PRDX6: variants seen among roughly 807,000 people sequenced by gnomAD.
PRDX6 encodes the protein peroxiredoxin-6.
Under a neutral mutation model 20.0 loss-of-function variants are expected in PRDX6, and 13 were observed. The observed-to-expected ratio is 0.65, with a 90% confidence interval of 0.42 to 1.03. PRDX6 has a LOEUF of 1.03. Ranked by LOEUF, PRDX6 falls within the 50% of genes least tolerant of loss-of-function variation. PRDX6 has a pLI of 0.00. For synonymous variants in PRDX6, 85 were observed against 100.8 expected, an observed-to-expected ratio of 0.84 and a Z score of 0.94; for missense variants, 203 against 276.9, an observed-to-expected ratio of 0.73 and a Z score of 1.89.
In PRDX6 at chr1:173,481,373, C is replaced by A; in HGVS notation, c.143C>A (p.Thr48Asn). ...SHPRDFTPVC[T>N]TELGRAAKLA... ...CCTCGGGACTTTACCCCAGTGTGCA[C>A]CACAGAGCTTGGCAGAGCTGCAAAG... Residue 48 changes from threonine to asparagine, a missense_variant, in exon 2 of 5, where the codon ACC becomes AAC. Physicochemically the swap from Thr to Asn is moderately conservative, Grantham distance 65 (BLOSUM62 0). Transcript: ENST00000340385. The A allele has an allele frequency of 6.2e-7, 1 of 1,613,812 alleles. No homozygotes were observed. Among genetic ancestry groups the A allele is most frequent in the Non-Finnish European group, 8.5e-7 (1 of 1,179,726 alleles).
At chr1:173,484,152 T>TTTATATA (rs1557997404) in intron 2 of PRDX6, among the ~76,000 whole-genome samples, 42 of 118,626 alleles carry the variant, frequency 3.5e-4, no homozygotes, top group African/African-American at 1.4e-3. Context: ...ATATATATAT[T>TTTATATA]TATATATATA....
chr1:173,480,539 A>G (rs1165305872), intron 1 of PRDX6, among the ~76,000 whole-genome samples: 1 of 152,222 alleles, frequency 6.6e-6, no homozygotes, highest in Non-Finnish European at 1.5e-5. Flanking sequence ...AATCTTAGAC[A>G]ATGATGACTT....
chr1:173,478,481 CCAT>C (rs1457794304), intron 1 of PRDX6, among the ~76,000 whole-genome samples: 2 of 152,048 alleles, frequency 1.3e-5, no homozygotes, highest in Non-Finnish European at 2.9e-5. Flanking sequence ...GGCAGTTTTA[CCAT>C]TATGGATAGG....
intron 2 of PRDX6, among the ~76,000 whole-genome samples, chr1:173,484,142 A>ATC (rs1658854842): frequency 1.7e-5 from 2 of 118,062 alleles, no homozygotes; most frequent in African/African-American, 4.2e-5. Flanking sequence ...AAAAAATTAG[A>ATC]TATATATATT....
rs759957821 is a variant in PRDX6, at chr1:173,485,317, G to A, written c.253-44G>A. The A allele has an allele frequency of 4.0e-6, 6 of 1,491,928 alleles. No individual in the cohort carries two copies. The Admixed American group carries it at 6.1e-5, about 15-fold the overall frequency. The allele number at this position is 1,491,928 out of a possible 1,614,324, so 92.4% of individuals were successfully genotyped here. On this transcript the variant is annotated intron_variant, in intron 2 of 4. Transcript: ENST00000340385. ...TGTTAACTGATGAAATTCAGAGCAT[G>A]TGTTGGGTTTAGATTCCTCTTTCCC...
At chr1:173,477,584 C>T (rs570598684) in intron 1 of PRDX6, 92 bp downstream of exon 1, 2 of 1,111,084 alleles carry the variant, frequency 1.8e-6, no homozygotes, top group Non-Finnish European at 2.6e-6. Flanking sequence ...TCCTCCCGGC[C>T]GCTCAGCCCC....
Position 173,481,435 on chromosome 1 carries a change from A to G in PRDX6, c.205A>G (p.Ile69Val). The change falls in exon 2 of 5, where the codon ATT (isoleucine) becomes GTT (valine). Residue 69 changes from isoleucine (I) to valine (V), a missense_variant. Coordinates refer to ENST00000340385, the MANE Select transcript of PRDX6 (RefSeq NM_004905.3). ...ATTTGCCAAGAGGAATGTTAAGTTG[A>G]TTGCCCTTTCAATAGACAGTGTTGA... Reference protein sequence around the residue: ...PEFAKRNVKLIALSIDSVEDH... With the variant: ...PEFAKRNVKLVALSIDSVEDH... The G allele has an allele frequency of 6.2e-7, 1 of 1,614,136 alleles. No individual in the cohort carries two copies. The highest frequency in any genetic ancestry group is 8.5e-7 in the Non-Finnish European group (1 of 1,180,000).
chr1:173,483,094 G>A (rs1355187686), intron 2 of PRDX6, among the ~76,000 whole-genome samples: 1 of 152,180 alleles, frequency 6.6e-6, no homozygotes, highest in African/African-American at 2.4e-5. Context: ...GATGCAAGTG[G>A]CAGAGTAGAG....
intron 2 of PRDX6, among the ~76,000 whole-genome samples, chr1:173,482,136 A>G (rs34538393): frequency 0.015 from 2,315 of 152,246 alleles, 53 homozygotes; most frequent in African/African-American, 0.052. Context: ...GTTTTTTCAC[A>G]TCATACATCT....
chr1:173,486,863 C>T (rs1658910924), intron 4 of PRDX6, among the ~76,000 whole-genome samples: 1 of 152,188 alleles, frequency 6.6e-6, no homozygotes, highest in Non-Finnish European at 1.5e-5. Context: ...ATAAACTTTT[C>T]ATCTTTAGGA....
intron 2 of PRDX6, 184 bp downstream of exon 2, chr1:173,481,666 G>A: frequency 1.6e-6 from 1 of 626,330 alleles, no homozygotes; most frequent in Non-Finnish European, 2.7e-6. Flanking sequence ...TCAATTCTCA[G>A]CCCTCCTCTT....
In PRDX6 at chr1:173,481,336, C is replaced by A. The variant is rs561003015; in HGVS notation, c.106C>A (p.Leu36Ile). 33 of 1,613,228 alleles carry A rather than the reference C, an allele frequency of 2.0e-5. No homozygotes were observed. The South Asian group carries it at 3.1e-4, about 15-fold the overall frequency. Reference sequence around the variant, plus strand: ...TTTTCTTCCTTTCAGATGGGGCATTCTCTTCTCCCACCCTCGGGACTTTAC... The same window carrying A: ...TTTTCTTCCTTTCAGATGGGGCATTATCTTCTCCCACCCTCGGGACTTTAC... ...HDFLGDSWGI[L>I]FSHPRDFTPV... Residue 36 changes from leucine to isoleucine, a missense_variant, in exon 2 of 5, where the codon CTC becomes ATC. By Grantham distance (5) the Leu-to-Ile change is conservative. Transcript: ENST00000340385.
chr1:173,480,200 C>A (rs954481595), intron 1 of PRDX6, among the ~76,000 whole-genome samples: 5 of 152,196 alleles, frequency 3.3e-5, no homozygotes, highest in Admixed American at 2.6e-4. Context: ...GCCCTCCATC[C>A]TTTTTGTAAG....
chr1:173,486,059 C>G (rs768522260), intron 3 of PRDX6, among the ~76,000 whole-genome samples, 196 bp from the exon 4 acceptor site: 1 of 152,212 alleles, frequency 6.6e-6, no homozygotes, highest in African/African-American at 2.4e-5. Context: ...TTCCCTTCTA[C>G]GTTTAGAAAA....
rs1015386462 is a variant in PRDX6 at position 173,477,361 on chromosome 1, C to A, written c.-37C>A. 4.0e-6 allele frequency: 6 copies of A among 1,505,238 alleles called. No individual in the cohort carries two copies. Among genetic ancestry groups the A allele is most frequent in the Non-Finnish European group, 5.4e-6 (6 of 1,104,080 alleles). 93.2% of individuals were successfully genotyped at this position (1,505,238 alleles called of 1,614,324 possible). A position where few individuals can be genotyped will look rare whatever the true frequency, so the allele number is the denominator to read the frequency against. ...CTTCTTCGCCAGAACCAACCGGTTG[C>A]TTGCTGTCCCAGCGGCGCCCCCTCA... On this transcript the variant is annotated 5_prime_UTR_variant, in exon 1 of 5. Coordinates refer to ENST00000340385, the MANE Select transcript of PRDX6 (RefSeq NM_004905.3).
chr1:173,487,615 A>G, intron 4 of PRDX6, 120 bp from the exon 5 acceptor site: 1 of 1,105,858 alleles, frequency 9.0e-7, no homozygotes, highest in Non-Finnish European at 1.3e-6. Context: ...CAGAGGGGAG[A>G]GTAAAGAACA....
chr1:173,484,818 TC>T (rs1330487901), intron 2 of PRDX6, among the ~76,000 whole-genome samples: 2 of 151,658 alleles, frequency 1.3e-5, no homozygotes, highest in East Asian at 3.9e-4. Flanking sequence ...AACTCTCCAT[TC>T]TTGTGTTTGC....
rs756743528 is a variant in PRDX6, at chr1:173,485,351, T to C, written c.253-10T>C. 25 of 1,565,170 alleles carry C rather than the reference T, an allele frequency of 1.6e-5. No individual in the cohort carries two copies. Among genetic ancestry groups the C allele is most frequent in the Non-Finnish European group, 2.2e-5 (25 of 1,150,510 alleles). ...TTAGATTCCTCTTTCCCCTTTTACT[T>C]GTGTTTCAGGATATCAATGCTTACA... is the stretch of plus-strand genomic sequence containing the variant. On this transcript the variant is annotated splice_polypyrimidine_tract_variant and intron_variant, in intron 2 of 4. Coordinates refer to ENST00000340385, the MANE Select transcript of PRDX6 (RefSeq NM_004905.3).
chr1:173,485,247 A>G, intron 2 of PRDX6, 114 bp from the exon 3 acceptor site: 2 of 1,049,618 alleles, frequency 1.9e-6, no homozygotes, highest in Non-Finnish European at 2.7e-6. Flanking sequence ...GCTTAAAGAA[A>G]ATTACTGTGA....
Sources: gnomAD v4.1 joint callset for allele counts (sites outside exome capture counted in the v4.1 genomes callset) on GRCh38, gnomAD v4.1.1 for gene constraint, MANE v1.5 for transcripts, NCBI Gene and HGNC (gene_info 2026-07-23, HGNC 2026-07-21) for gene names.